Variants in ASB15 observed in about 807,000 individuals in gnomAD.
The protein encoded by ASB15 is ankyrin repeat and SOCS box containing 15.
In ASB15, 54 loss-of-function variants were observed where a neutral mutation model predicts 58.0. The ratio of observed to expected loss-of-function variants is 0.93; its 90% CI spans 0.75 to 1.17. The LOEUF (loss-of-function observed/expected upper bound fraction) is 1.17, where lower values mean the gene tolerates loss of function less well. ASB15 is among the 50% of genes most tolerant of loss of function. The pLI, the probability that ASB15 is intolerant of heterozygous loss-of-function variation, is 0.00. For missense variants in ASB15, 680 were observed against 707.4 expected, an observed-to-expected ratio of 0.96 and a Z score of 0.44; for synonymous variants, 249 against 262.4, an observed-to-expected ratio of 0.95 and a Z score of 0.50.
chr7:123,629,693 C>T (rs1238177721), intron 10 of ASB15, among the ~76,000 whole-genome samples: 1 of 151,778 alleles, frequency 6.6e-6, no homozygotes, highest in East Asian at 1.9e-4. Context: ...TAATTAGTCA[C>T]TTCTGCCTGT....
chr7:123,595,513 T>C (rs1799668815), intron 1 of ASB15, among the ~76,000 whole-genome samples: 1 of 152,204 alleles, frequency 6.6e-6, no homozygotes, highest in Non-Finnish European at 1.5e-5. Flanking sequence ...TGACCAACTA[T>C]CGTCATGCTT....
At chr7:123,575,045 T>G (rs1487036708) in intron 1 of ASB15, among the ~76,000 whole-genome samples, 14 of 147,150 alleles carry the variant, frequency 9.5e-5, no homozygotes. Context: ...GCATTTAATA[T>G]GACAGGTATG....
rs772938141 is a variant in ASB15, at chr7:123,629,053, G to A, written c.1059G>A (p.Ala353=). ...GCTATGACGATGAGAGGAAGACTGCGCTGTATTTTGGCGTTTCTAATAATG... is the reference window on the plus strand; with the variant it reads ...GCTATGACGATGAGAGGAAGACTGCACTGTATTTTGGCGTTTCTAATAATG... ...SQSYDDERKT[A]LYFGVSNNDV... The change falls in exon 10 of 12, where the codon GCG becomes GCA. Residue 353 remains alanine, a synonymous_variant. Transcript: ENST00000451215. 83 of 1,613,518 alleles carry A rather than the reference G, an allele frequency of 5.1e-5. No homozygotes were observed. The highest frequency in any genetic ancestry group is 7.0e-5 in the Non-Finnish European group (82 of 1,179,752).
chr7:123,590,724 A>G (rs1023680012), intron 1 of ASB15, among the ~76,000 whole-genome samples: 1 of 152,144 alleles, frequency 6.6e-6, no homozygotes, highest in Admixed American at 6.6e-5. Flanking sequence ...GTTCGATGTC[A>G]GGTAGCGTGA....
chr7:123,630,255 T>A, intron 11 of ASB15, 136 bp downstream of exon 11: 1 of 600,932 alleles, frequency 1.7e-6, no homozygotes, highest in Non-Finnish European at 2.7e-6. Context: ...AAATCATCCT[T>A]AACACTTCCT....
chr7:123,584,259 C>A (rs1256994327), intron 1 of ASB15, among the ~76,000 whole-genome samples: 1 of 137,764 alleles, frequency 7.3e-6, no homozygotes, highest in East Asian at 2.1e-4. Context: ...CTGCAGTGAG[C>A]TATGATCGTG....
chr7:123,579,580 T>C (rs1456445516), intron 1 of ASB15, among the ~76,000 whole-genome samples: 1 of 152,070 alleles, frequency 6.6e-6, no homozygotes, highest in Non-Finnish European at 1.5e-5. Flanking sequence ...TAATAGATAA[T>C]TGCAGTCAAA....
chr7:123,632,587 C>G (rs1802179743), intron 11 of ASB15, among the ~76,000 whole-genome samples: 1 of 152,042 alleles, frequency 6.6e-6, no homozygotes. Context: ...CTCTTTTATC[C>G]CTGACCCACC....
intron 7 of ASB15, chr7:123,623,171 C>T (rs1801447261): frequency 6.6e-6 from 1 of 152,192 alleles, no homozygotes. Flanking sequence ...CTGTTGTCCA[C>T]AGTGCATAAC....
chr7:123,599,639 T>C (rs894884290), upstream of ASB15, among the ~76,000 whole-genome samples: 1 of 152,314 alleles, frequency 6.6e-6, no homozygotes, highest in South Asian at 2.1e-4. Context: ...ATTCCCAAAA[T>C]AGAAATAGGT....
At chr7:123,624,974 G>A in intron 8 of ASB15, 160 bp downstream of exon 8, 2 of 824,540 alleles carry the variant, frequency 2.4e-6, no homozygotes, top group African/African-American at 1.7e-5. Flanking sequence ...TCCCTCAGTA[G>A]ACCCTTATTC....
chr7:123,616,347 C>G lies in ASB15; in HGVS notation c.161-17C>G. The G allele has an allele frequency of 1.2e-6, 2 of 1,610,072 alleles. No individual in the cohort carries two copies. The highest frequency in any genetic ancestry group is 1.7e-6 in the Non-Finnish European group (2 of 1,176,668). On this transcript the variant is annotated splice_polypyrimidine_tract_variant and intron_variant, in intron 5 of 11. Coordinates refer to ENST00000451215, the MANE Select transcript of ASB15 (RefSeq NM_001290258.2). The stretch of plus-strand genomic sequence containing the variant: ...GCAAAAACAGAGATTAGTCATCAGT[C>G]CATGTGTTTAATTTAGGTCACATTC...
At chr7:123,572,390 C>T (rs1462481101) in intron 1 of ASB15, among the ~76,000 whole-genome samples, 14 of 152,060 alleles carry the variant, frequency 9.2e-5, no homozygotes, top group Non-Finnish European at 1.5e-5. Context: ...CCGCCCGCCT[C>T]AGCCTCCGAA....
At chr7:123,590,329 G>C (rs922150414) in intron 1 of ASB15, among the ~76,000 whole-genome samples, 2 of 152,144 alleles carry the variant, frequency 1.3e-5, no homozygotes, top group Non-Finnish European at 2.9e-5. Context: ...AGTTTAATTA[G>C]ATCCCATTTG....
chr7:123,579,676 G>A (rs1232072310), intron 1 of ASB15, among the ~76,000 whole-genome samples: 2 of 151,904 alleles, frequency 1.3e-5, no homozygotes, highest in Non-Finnish European at 2.9e-5. Context: ...TCTGCTCCTG[G>A]GAGTTGAGTT....
chr7:123,625,819 C>T (rs1025643324), intron 8 of ASB15, among the ~76,000 whole-genome samples: 1 of 152,148 alleles, frequency 6.6e-6, no homozygotes, highest in African/African-American at 2.4e-5. Context: ...CCTCTAGAAC[C>T]GCATGATCCC....
intron 3 of ASB15, among the ~76,000 whole-genome samples, chr7:123,613,002 C>T (rs899202018): frequency 1.3e-5 from 2 of 151,504 alleles, no homozygotes; most frequent in African/African-American, 4.9e-5. Context: ...GACTGAGATA[C>T]CACAGTGTCA....
intron 1 of ASB15, among the ~76,000 whole-genome samples, chr7:123,571,936 G>GT (rs995604167): frequency 1.3e-5 from 2 of 151,610 alleles, no homozygotes; most frequent in African/African-American, 4.8e-5. Flanking sequence ...TGCCCAGCTA[G>GT]TTTTTTTAAT....
At chr7:123,623,918 GGAAGAAAGAAAGA>G (rs1562935619) in intron 7 of ASB15, among the ~76,000 whole-genome samples, 2 of 73,292 alleles carry the variant, frequency 2.7e-5, no homozygotes, top group East Asian at 3.8e-4. Context: ...AAGGAAGGAA[GGAAGAAAGAAAGA>G]AAAGAAAGAA....
Sources: gnomAD v4.1 joint callset for allele counts (sites outside exome capture counted in the v4.1 genomes callset) on GRCh38, gnomAD v4.1.1 for gene constraint, MANE v1.5 for transcripts, NCBI Gene and HGNC (gene_info 2026-07-23, HGNC 2026-07-21) for gene names.